Variants in ADRA1B observed in about 807,000 individuals in gnomAD.
ADRA1B encodes adrenoceptor alpha 1B.
Under a neutral mutation model 17.9 loss-of-function variants are expected in ADRA1B, and 17 were observed. The ratio of observed to expected loss-of-function variants is 0.95; its 90% CI spans 0.65 to 1.42. The LOEUF is 1.42. ADRA1B is among the 40% of genes most tolerant of loss of function. The probability of loss-of-function intolerance (pLI) is 0.00; values close to 1 mark genes in which losing one functional copy is unlikely to be tolerated. For missense variants in ADRA1B, 681 were observed against 722.1 expected (o/e 0.94, Z 0.65); for synonymous variants, 366 against 327.6 (o/e 1.12, Z -1.27).
intron 1 of ADRA1B, among the ~76,000 whole-genome samples, chr5:159,939,380 C>T (rs1288735172): frequency 6.6e-6 from 1 of 151,276 alleles, no homozygotes; most frequent in Middle Eastern, 3.5e-3. Flanking sequence ...AAATTGCTGA[C>T]CTGCTTACAA....
rs367578995 is a variant in ADRA1B, at chr5:159,882,851, C to T, written c.-256+17645C>T. 5.9e-4 allele frequency among the ~76,000 whole-genome samples: 90 copies of T among 152,276 alleles called. 1 individual carries two copies. In the South Asian group the frequency reaches 0.018, roughly 31 times the overall value. ...TTTAAATGCAATCAACAGAACTCAA[C>T]TCTAACCAAAGAGAGAGAGAGGGAG... On this transcript the variant is annotated intron_variant, in intron 1 of 2. Transcript: ENST00000641205.
intron 1 of ADRA1B, among the ~76,000 whole-genome samples, chr5:159,964,391 A>T (rs2113287084): frequency 6.6e-6 from 1 of 152,328 alleles, no homozygotes; most frequent in East Asian, 1.9e-4. Flanking sequence ...GGAGGTACAA[A>T]CATTGTTTTG....
intron 1 of ADRA1B, among the ~76,000 whole-genome samples, chr5:159,930,500 A>T (rs1754772443): frequency 6.6e-6 from 1 of 152,250 alleles, no homozygotes; most frequent in African/African-American, 2.4e-5. Context: ...AATCGCTTGT[A>T]CGCAGGAGGC....
intron 1 of ADRA1B, among the ~76,000 whole-genome samples, chr5:159,872,932 C>A (rs1197699731): frequency 1.3e-5 from 2 of 151,452 alleles, no homozygotes; most frequent in African/African-American, 2.4e-5. Flanking sequence ...CCTTGCCCCC[C>A]ACCCCCAAAC....
At chr5:159,924,787 C>T (rs986296225) in intron 1 of ADRA1B, among the ~76,000 whole-genome samples, 6 of 152,180 alleles carry the variant, frequency 3.9e-5, no homozygotes, top group African/African-American at 1.4e-4. Context: ...CTGATGTCTG[C>T]TGGGCAGCAC....
chr5:159,951,205 T>C lies in ADRA1B; in HGVS notation c.950-20674T>C, dbSNP rs1405199257. 4 of 788,392 alleles carry C rather than the reference T, an allele frequency of 5.1e-6. No individual in the cohort carries two copies. In the African/African-American group the frequency reaches 6.7e-5, roughly 13 times the overall value. 48.8% of individuals were successfully genotyped at this position (788,392 alleles called of 1,614,324 possible). On this transcript the variant is annotated intron_variant, in intron 1 of 1. Transcript: ENST00000306675. Reference sequence around the variant, plus strand: ...CCTTCTCCATGGTGAAAGACGCTGGTGGACTTCACAACATATTCAGCGCCA... The same window carrying C: ...CCTTCTCCATGGTGAAAGACGCTGGCGGACTTCACAACATATTCAGCGCCA...
the ADRA1B span, among the ~76,000 whole-genome samples, chr5:159,982,110 G>A: frequency 4.6e-5 from 7 of 152,288 alleles, no homozygotes; most frequent in Middle Eastern, 3.4e-3. Context: ...TGTTCCTACC[G>A]GCTAAGGTCC....
intron 1 of ADRA1B, among the ~76,000 whole-genome samples, chr5:159,910,180 C>T (rs1754214615): frequency 6.6e-6 from 1 of 152,122 alleles, no homozygotes; most frequent in South Asian, 2.1e-4. Flanking sequence ...AGCTCCCAGC[C>T]TGAGCAACAC....
At chr5:159,923,912 G>A (rs1409937478) in intron 1 of ADRA1B, among the ~76,000 whole-genome samples, 17 of 152,378 alleles carry the variant, frequency 1.1e-4, no homozygotes, top group African/African-American at 3.8e-4. Flanking sequence ...TGCAGAGCAA[G>A]CATCGTCATC....
intron 1 of ADRA1B, among the ~76,000 whole-genome samples, chr5:159,872,821 A>G (rs900470316): frequency 6.6e-6 from 1 of 152,168 alleles, no homozygotes; most frequent in Admixed American, 6.5e-5. Context: ...GGTTTGTTAC[A>G]TAGGTATACA....
chr5:159,887,887 G>A (rs1185221274), intron 1 of ADRA1B, among the ~76,000 whole-genome samples: 1 of 152,166 alleles, frequency 6.6e-6, no homozygotes, highest in South Asian at 2.1e-4. Context: ...TTGGGGATGA[G>A]AGAGGAGTAG....
At chr5:159,901,933 AC>A (rs2113121240) in intron 1 of ADRA1B, among the ~76,000 whole-genome samples, 1 of 152,342 alleles carries the variant, frequency 6.6e-6, no homozygotes, top group Non-Finnish European at 1.5e-5. Context: ...TATGGAAAAT[AC>A]TATAAAGCTT....
At chr5:159,882,312 G>A (rs1277918065) in intron 1 of ADRA1B, among the ~76,000 whole-genome samples, 1 of 152,198 alleles carries the variant, frequency 6.6e-6, no homozygotes, top group Non-Finnish European at 1.5e-5. Flanking sequence ...GCAGGAAAGT[G>A]TACAGGAATC....
intron 1 of ADRA1B, among the ~76,000 whole-genome samples, chr5:159,877,489 T>C (rs1753816133): frequency 6.6e-6 from 1 of 152,212 alleles, no homozygotes; most frequent in Non-Finnish European, 1.5e-5. Flanking sequence ...GTACTCCATG[T>C]TGGCGTCATG....
At chr5:159,971,531 G>A (rs1004831262) in intron 1 of ADRA1B, among the ~76,000 whole-genome samples, 7 of 152,198 alleles carry the variant, frequency 4.6e-5, no homozygotes, top group African/African-American at 1.7e-4. Context: ...CACAGTGCCT[G>A]ACCCAAAAGA....
At chr5:159,953,486 C>G (rs1755487255) in intron 1 of ADRA1B, among the ~76,000 whole-genome samples, 1 of 152,214 alleles carries the variant, frequency 6.6e-6, no homozygotes, top group Non-Finnish European at 1.5e-5. Flanking sequence ...CTAGACACCC[C>G]CACACTGAGT....
Position 159,917,274 on chromosome 5 carries a change from C to T in ADRA1B, c.369C>T (p.Ala123=). 7 of 1,614,106 alleles carry T rather than the reference C, an allele frequency of 4.3e-6. No homozygotes were observed. The highest frequency in any genetic ancestry group is 5.9e-6 in the Non-Finnish European group (7 of 1,180,030). ...GGATCTTCTGTGACATCTGGGCAGC[C>T]GTGGATGTCCTGTGCTGCACAGCGT... The part of the protein sequence containing the change: ...LGRIFCDIWA[A]VDVLCCTASI... The change falls in exon 1 of 2, where the codon GCC becomes GCT. Residue 123 remains alanine (A), a synonymous_variant. Transcript: ENST00000306675.
chr5:159,881,761 A>G (rs753151214), intron 1 of ADRA1B, among the ~76,000 whole-genome samples: 1 of 152,174 alleles, frequency 6.6e-6, no homozygotes, highest in Non-Finnish European at 1.5e-5. Context: ...AAATACCAAT[A>G]TTATAAATAG....
upstream of ADRA1B, among the ~76,000 whole-genome samples, chr5:159,912,073 GC>G (rs1391757586): frequency 6.6e-6 from 1 of 152,140 alleles, no homozygotes; most frequent in Non-Finnish European, 1.5e-5. Context: ...GGCACTTTGG[GC>G]CCAACGCCTG....
Sources: gnomAD v4.1 joint callset for allele counts (sites outside exome capture counted in the v4.1 genomes callset) on GRCh38, gnomAD v4.1.1 for gene constraint, MANE v1.5 for transcripts, NCBI Gene and HGNC (gene_info 2026-07-23, HGNC 2026-07-21) for gene names.